Variants in LEPR observed in about 807,000 individuals in gnomAD.
The protein encoded by LEPR is leptin receptor.
In LEPR, 56 loss-of-function variants were observed where a neutral mutation model predicts 114.7. That is an observed-to-expected ratio of 0.49 (90% confidence interval 0.39 to 0.61). LEPR has a LOEUF of 0.61. Among genes scored for constraint, LEPR ranks in the 20% least tolerant of loss-of-function variants. LEPR has a pLI of 0.00. For missense variants in LEPR, 1,202 were observed against 1,352.9 expected (o/e 0.89, Z 1.75); for synonymous variants, 443 against 461.4 (o/e 0.96, Z 0.51).
In LEPR at chr1:65,420,673, G is replaced by C. The variant is rs1049669496; in HGVS notation, c.-164G>C. The C allele has an allele frequency of 4.5e-6, 7 of 1,560,056 alleles. No homozygotes were observed. In the African/African-American group the frequency reaches 6.8e-5, roughly 15 times the overall value. On this transcript the variant is annotated 5_prime_UTR_variant, in exon 1 of 20. Coordinates refer to ENST00000349533, the MANE Select transcript of LEPR (RefSeq NM_002303.6). The stretch of plus-strand genomic sequence containing the variant: ...ACTCCCGGTCTGGCTTGGGCAGGCT[G>C]CCCGGGCCGTGGCAGGAAGCCGGAA...
At chr1:65,468,522 T>C (rs1456401818) in intron 2 of LEPR, among the ~76,000 whole-genome samples, 1 of 152,190 alleles carries the variant, frequency 6.6e-6, no homozygotes, top group Non-Finnish European at 1.5e-5. Flanking sequence ...ATTTTTGTTT[T>C]GTAACCTTGG....
chr1:65,626,886 C>T (rs1214579236), intron 19 of LEPR, among the ~76,000 whole-genome samples: 1 of 152,084 alleles, frequency 6.6e-6, no homozygotes, highest in Non-Finnish European at 1.5e-5. Context: ...CCACCCACCT[C>T]AGCCTCCCAA....
In LEPR at chr1:65,432,265, G is replaced by A. The variant is rs1256958602; in HGVS notation, c.-21+6887G>A. 8.0e-6 allele frequency: 8 copies of A among 1,001,976 alleles called. No individual in the cohort carries two copies. In the Admixed American group the frequency reaches 1.7e-4, roughly 22 times the overall value. 62.1% of individuals were successfully genotyped at this position (1,001,976 alleles called of 1,614,324 possible). A position where few individuals can be genotyped will look rare whatever the true frequency, so the allele number is the denominator to read the frequency against. On this transcript the variant is annotated intron_variant, in intron 2 of 19. Coordinates refer to ENST00000349533, the MANE Select transcript of LEPR (RefSeq NM_002303.6). Reference sequence around the variant, plus strand: ...GGATGTGCTTGGAGAGGCAGATAACGCTGAAGCAGGCCTCTCATGACCCAG... The same window carrying A: ...GGATGTGCTTGGAGAGGCAGATAACACTGAAGCAGGCCTCTCATGACCCAG...
chr1:65,517,275 G>C (rs926508687), intron 2 of LEPR, among the ~76,000 whole-genome samples: 1 of 152,228 alleles, frequency 6.6e-6, no homozygotes, highest in Non-Finnish European at 1.5e-5. Flanking sequence ...CAGAGCAAAT[G>C]CACCATAAGC....
At chr1:65,431,622 G>A (rs1646485374) in intron 2 of LEPR, among the ~76,000 whole-genome samples, 1 of 152,154 alleles carries the variant, frequency 6.6e-6, no homozygotes, top group Non-Finnish European at 1.5e-5. Flanking sequence ...TAATTAACAA[G>A]CATCACAGAA....
intron 1 of LEPR, chr1:65,421,472 T>C: frequency 1.3e-6 from 2 of 1,536,118 alleles, no homozygotes; most frequent in Non-Finnish European, 1.7e-6. Context: ...AGGAAAACAT[T>C]CCATTTCTAA....
At chr1:65,448,197 C>T (rs1362038783) in intron 2 of LEPR, among the ~76,000 whole-genome samples, 1 of 152,146 alleles carries the variant, frequency 6.6e-6, no homozygotes, top group Non-Finnish European at 1.5e-5. Flanking sequence ...AGATCCACTC[C>T]ATTCCTAGTT....
At chr1:65,623,077 G>T in intron 19 of LEPR, 96 bp downstream of exon 19, 1 of 1,193,328 alleles carries the variant, frequency 8.4e-7, no homozygotes, top group Non-Finnish European at 1.2e-6. Flanking sequence ...AGATTTAAAA[G>T]GTCATATTTT....
chr1:65,548,144 C>G (rs1422575640), intron 2 of LEPR, among the ~76,000 whole-genome samples: 2 of 152,108 alleles, frequency 1.3e-5, no homozygotes, highest in Non-Finnish European at 2.9e-5. Flanking sequence ...ATCCTCAGTT[C>G]TAGTTTGACT....
At chr1:65,435,948 C>T (rs1646557347) in intron 2 of LEPR, 1 of 985,016 alleles carries the variant, frequency 1.0e-6, no homozygotes, top group South Asian at 4.7e-5. Flanking sequence ...TACATGTAAC[C>T]CCAAATGTGA....
At chr1:65,480,209 T>G (rs1647205710) in intron 2 of LEPR, among the ~76,000 whole-genome samples, 1 of 148,838 alleles carries the variant, frequency 6.7e-6, no homozygotes, top group Non-Finnish European at 1.5e-5. Flanking sequence ...AGAAGAAAAA[T>G]AAAACAATTC....
At chr1:65,493,068 T>C (rs947632234) in intron 2 of LEPR, among the ~76,000 whole-genome samples, 1 of 152,044 alleles carries the variant, frequency 6.6e-6, no homozygotes. Context: ...CCTTGCAGTT[T>C]GTTCTGCAGC....
chr1:65,603,639 G>A (rs1656606756), intron 10 of LEPR, among the ~76,000 whole-genome samples: 1 of 151,634 alleles, frequency 6.6e-6, no homozygotes, highest in Non-Finnish European at 1.5e-5. Context: ...AGCTTTGAAT[G>A]CAGCCCAACA....
At chr1:65,507,398 C>T (rs1036894223) in intron 2 of LEPR, among the ~76,000 whole-genome samples, 2 of 150,398 alleles carry the variant, frequency 1.3e-5, no homozygotes, top group Admixed American at 1.3e-4. Context: ...CATATTGTCC[C>T]AAATGACAGA....
chr1:65,433,881 TTA>T (rs1416141415), intron 2 of LEPR: 4 of 985,286 alleles, frequency 4.1e-6, no homozygotes, highest in Non-Finnish European at 4.8e-6. Context: ...TCTTGATGTT[TTA>T]AAATGGGCAG....
intron 5 of LEPR, among the ~76,000 whole-genome samples, chr1:65,584,308 T>C (rs957403736): frequency 6.6e-6 from 1 of 152,072 alleles, no homozygotes; most frequent in African/African-American, 2.4e-5. Flanking sequence ...TGGAGGATAG[T>C]TGTTCGTTGT....
intron 2 of LEPR, among the ~76,000 whole-genome samples, chr1:65,520,519 C>G (rs1649579348): frequency 6.6e-6 from 1 of 152,068 alleles, no homozygotes; most frequent in Non-Finnish European, 1.5e-5. Flanking sequence ...AATGTCAAAT[C>G]CTAGAAAATG....
chr1:65,432,216 A>G (rs1570436781), intron 2 of LEPR: 2 of 1,036,684 alleles, frequency 1.9e-6, no homozygotes, highest in African/African-American at 1.7e-5. Context: ...CACCTTATGC[A>G]GTGCATCGAA....
chr1:65,482,441 A>T (rs1243534949), intron 2 of LEPR, among the ~76,000 whole-genome samples: 2 of 152,172 alleles, frequency 1.3e-5, no homozygotes. Flanking sequence ...GTCCTGAAAA[A>T]GATGAAGCAA....
Sources: gnomAD v4.1 joint callset for allele counts (sites outside exome capture counted in the v4.1 genomes callset) on GRCh38, gnomAD v4.1.1 for gene constraint, MANE v1.5 for transcripts, NCBI Gene and HGNC (gene_info 2026-07-23, HGNC 2026-07-21) for gene names.